Variants in ITGBL1 observed in about 807,000 individuals in gnomAD.
ITGBL1 encodes the protein integrin beta-like protein 1.
Under a neutral mutation model 68.5 loss-of-function variants are expected in ITGBL1, and 51 were observed. That is an observed-to-expected ratio of 0.74 (90% CI 0.59 to 0.94). The LOEUF (loss-of-function observed/expected upper bound fraction) is 0.94, where lower values mean the gene tolerates loss of function less well. Ranked by LOEUF, ITGBL1 falls within the 40% of genes least tolerant of loss-of-function variation. The pLI is 0.00. For synonymous variants in ITGBL1, 209 were observed against 227.3 expected, an observed-to-expected ratio of 0.92 and a Z score of 0.72; for missense variants, 649 against 647.4, an observed-to-expected ratio of 1.00 and a Z score of -0.03.
intron 2 of ITGBL1, among the ~76,000 whole-genome samples, chr13:101,480,123 G>C (rs1283284769): frequency 6.6e-6 from 1 of 151,602 alleles, no homozygotes; most frequent in Non-Finnish European, 1.5e-5. Flanking sequence ...ACACAGTGGA[G>C]TACTATTCAG....
Position 101,500,306 on chromosome 13 carries a change from G to A in ITGBL1, c.316+46206G>A, listed in dbSNP as rs113469809. Among the ~76,000 whole-genome samples the A allele has an allele frequency of 3.2e-3, 491 of 152,250 alleles. 2 individuals carry two copies. The highest frequency in any genetic ancestry group is 0.011 in the African/African-American group (471 of 41,558). On this transcript the variant is annotated intron_variant, in intron 2 of 10. Coordinates refer to ENST00000376180, the MANE Select transcript of ITGBL1 (RefSeq NM_004791.3). Reference sequence around the variant, plus strand: ...ATTCCCATTTATAACAGAGTTTAATGTAGTGAAATTCCTGCTGACTGATAT... The same window carrying A: ...ATTCCCATTTATAACAGAGTTTAATATAGTGAAATTCCTGCTGACTGATAT...
chr13:101,470,240 C>A lies in ITGBL1; in HGVS notation c.316+16140C>A, dbSNP rs141422528. ...TCTGCTTTCCTTGAGGATTTAAGAA[C>A]TTTCATATCCATAAATAATTATTTA... On this transcript the variant is annotated intron_variant, in intron 2 of 10. Coordinates refer to ENST00000376180, the MANE Select transcript of ITGBL1 (RefSeq NM_004791.3). Among the ~76,000 whole-genome samples the A allele has an allele frequency of 3.0e-3, 456 of 152,246 alleles. 2 individuals carry two copies. Among genetic ancestry groups the A allele is most frequent in the African/African-American group, 0.01 (434 of 41,556 alleles).
intron 2 of ITGBL1, among the ~76,000 whole-genome samples, chr13:101,539,044 C>G (rs2049633016): frequency 7.8e-6 from 1 of 128,066 alleles, no homozygotes; most frequent in Non-Finnish European, 1.6e-5. Flanking sequence ...TTATGCTGTG[C>G]TGCTTCTTTT....
intron 7 of ITGBL1, among the ~76,000 whole-genome samples, chr13:101,665,909 A>G (rs2033203611): frequency 6.6e-6 from 1 of 152,186 alleles, no homozygotes; most frequent in African/African-American, 2.4e-5. Flanking sequence ...GGATCTGCCC[A>G]GCAACTGCCT....
At chr13:101,549,051 G>A (rs905774518) in intron 2 of ITGBL1, among the ~76,000 whole-genome samples, 1 of 151,830 alleles carries the variant, frequency 6.6e-6, no homozygotes, top group Non-Finnish European at 1.5e-5. Flanking sequence ...CGCATAAATT[G>A]AGATCAGCAG....
chr13:101,587,664 G>T (rs2050580082), intron 6 of ITGBL1, among the ~76,000 whole-genome samples: 1 of 152,024 alleles, frequency 6.6e-6, no homozygotes, highest in South Asian at 2.1e-4. Flanking sequence ...GAAAATATAG[G>T]GAAAGTTTTG....
At chr13:101,605,593 C>T (rs758078651) in intron 7 of ITGBL1, among the ~76,000 whole-genome samples, 5 of 150,502 alleles carry the variant, frequency 3.3e-5, no homozygotes, top group Non-Finnish European at 3.0e-5. Flanking sequence ...TATTTAGACA[C>T]GTACGTGTGT....
chr13:101,649,283 A>C (rs1305130132), intron 7 of ITGBL1, among the ~76,000 whole-genome samples: 1 of 152,190 alleles, frequency 6.6e-6, no homozygotes, highest in Non-Finnish European at 1.5e-5. Flanking sequence ...TCAAAACACA[A>C]GGGATGTGTC....
At chr13:101,632,161 A>C (rs1404689939) in intron 7 of ITGBL1, among the ~76,000 whole-genome samples, 1 of 152,010 alleles carries the variant, frequency 6.6e-6, no homozygotes, top group African/African-American at 2.4e-5. Context: ...ATATATATAT[A>C]TATCTGACAA....
At chr13:101,460,000 C>T (rs990422952) in intron 2 of ITGBL1, among the ~76,000 whole-genome samples, 4 of 151,590 alleles carry the variant, frequency 2.6e-5, no homozygotes, top group Non-Finnish European at 4.4e-5. Flanking sequence ...GTTCGACTTG[C>T]CTTTCCCTTC....
At chr13:101,630,772 G>C (rs1349156970) in intron 7 of ITGBL1, among the ~76,000 whole-genome samples, 1 of 152,104 alleles carries the variant, frequency 6.6e-6, no homozygotes, top group Admixed American at 6.6e-5. Context: ...TTTTACAAGT[G>C]TACTTTTATT....
chr13:101,584,701 T>TTA (rs1480057104), intron 6 of ITGBL1, among the ~76,000 whole-genome samples: 5 of 152,212 alleles, frequency 3.3e-5, no homozygotes, highest in South Asian at 4.1e-4. Flanking sequence ...CTATTATTAA[T>TTA]TATACATGCT....
chr13:101,647,301 C>T (rs1216494816), intron 7 of ITGBL1, among the ~76,000 whole-genome samples: 1 of 152,044 alleles, frequency 6.6e-6, no homozygotes, highest in Non-Finnish European at 1.5e-5. Context: ...TTTTCATTTT[C>T]AAAACCATCT....
intron 2 of ITGBL1, among the ~76,000 whole-genome samples, chr13:101,554,753 CA>C (rs974903634): frequency 7.9e-5 from 12 of 152,210 alleles, no homozygotes; most frequent in African/African-American, 2.9e-4. Flanking sequence ...TGGGGTGGGG[CA>C]GGGGACAGGG....
chr13:101,528,128 G>T (rs947992181), intron 2 of ITGBL1, among the ~76,000 whole-genome samples: 1 of 151,158 alleles, frequency 6.6e-6, no homozygotes, highest in Non-Finnish European at 1.5e-5. Context: ...CAAAGTTATT[G>T]TTTTTATATA....
chr13:101,715,087 C>CTT (rs1555368536), intron 10 of ITGBL1: 1 of 166,798 alleles, frequency 6.0e-6, no homozygotes, highest in Non-Finnish European at 1.3e-5. Flanking sequence ...GAAACAGAGA[C>CTT]ATGTATACTT....
chr13:101,707,684 T>C (rs1432685553), intron 9 of ITGBL1, among the ~76,000 whole-genome samples: 1 of 145,140 alleles, frequency 6.9e-6, no homozygotes, highest in Non-Finnish European at 1.5e-5. Flanking sequence ...ATCTACTCTA[T>C]TAAAAAAAAC....
chr13:101,625,440 T>A (rs1339229169), intron 7 of ITGBL1, among the ~76,000 whole-genome samples: 1 of 152,188 alleles, frequency 6.6e-6, no homozygotes, highest in Non-Finnish European at 1.5e-5. Context: ...AGGGATGATA[T>A]TGCTTCTTCT....
intron 7 of ITGBL1, among the ~76,000 whole-genome samples, chr13:101,678,559 G>T (rs1426026851): frequency 6.6e-6 from 1 of 151,468 alleles, no homozygotes; most frequent in Non-Finnish European, 1.5e-5. Context: ...GAGTGCAGTG[G>T]CACGATCTCG....
Sources: gnomAD v4.1 joint callset for allele counts (sites outside exome capture counted in the v4.1 genomes callset) on GRCh38, gnomAD v4.1.1 for gene constraint, MANE v1.5 for transcripts, NCBI Gene and HGNC (gene_info 2026-07-23, HGNC 2026-07-21) for gene names.